PELI2: variants seen among roughly 807,000 people sequenced by gnomAD.
PELI2 encodes E3 ubiquitin-protein ligase pellino homolog 2.
In PELI2, 23 loss-of-function variants were observed where a neutral mutation model predicts 42.3. The observed-to-expected ratio is 0.54, with a 90% CI of 0.39 to 0.77. The LOEUF (loss-of-function observed/expected upper bound fraction) is 0.77. PELI2 is among the 30% of genes least tolerant of loss of function. The pLI is 0.00. For missense variants in PELI2, 463 were observed against 553.2 expected (o/e 0.84, Z 1.64); for synonymous variants, 245 against 212.2 (o/e 1.15, Z -1.34).
intron 5 of PELI2, among the ~76,000 whole-genome samples, chr14:56,291,726 C>T (rs759295347): frequency 1.1e-4 from 16 of 152,214 alleles, no homozygotes; most frequent in Non-Finnish European, 2.4e-4. Flanking sequence ...GGTGCAGACT[C>T]TGCGTTAACA....
At position 56,279,749 on chromosome 14, in the gene PELI2, C is replaced by T. The variant is rs1239077240; in HGVS notation, c.281C>T (p.Thr94Ile). 1.3e-6 allele frequency: 2 copies of T among 1,591,240 alleles called. No individual in the cohort carries two copies. Among genetic ancestry groups the T allele is most frequent in the African/African-American group, 1.3e-5 (1 of 74,392 alleles). ...SRNQTVVVEYTHDKDTDMFQV... is the reference protein window; with the variant it reads ...SRNQTVVVEYIHDKDTDMFQV... ...AATCAGACTGTGGTGGTGGAGTACA[C>T]ACATGATAAGGATACGGATATGTTT... Residue 94 changes from threonine (T) to isoleucine (I), a missense_variant, in exon 3 of 6, where the codon ACA (threonine) becomes ATA (isoleucine). Thr to Ile is a moderately conservative substitution (Grantham distance 89). This residue lies in a region of PELI2 where 343 missense variants were observed against 378.4 expected (regional missense o/e 0.91). Transcript: ENST00000267460.
At chr14:56,285,757 G>A (rs554209431) in intron 3 of PELI2, among the ~76,000 whole-genome samples, 1 of 152,254 alleles carries the variant, frequency 6.6e-6, no homozygotes, top group East Asian at 1.9e-4. Context: ...ATATGGGTGA[G>A]GAAGTGGAGG....
rs561406990 is a variant in PELI2 at position 56,191,828 on chromosome 14, A to G, written c.207+13364A>G. Among the ~76,000 whole-genome samples, 14 of 152,274 alleles carry G rather than the reference A, an allele frequency of 9.2e-5. 1 individual carries two copies. The East Asian group carries it at 2.5e-3, about 27-fold the overall frequency. On this transcript the variant is annotated intron_variant, in intron 2 of 5. Transcript: ENST00000267460. ...TTAACTACCTTTGTTTTTGTTTTTA[A>G]AGAAAAGATTTTATTTTTATTTTTG... is the stretch of plus-strand genomic sequence containing the variant.
rs1393069250 is a variant in PELI2 at position 56,287,184 on chromosome 14, G to A, written c.310-1253G>A. Among the ~76,000 whole-genome samples, 3 of 152,168 alleles carry A rather than the reference G, an allele frequency of 2.0e-5. No individual in the cohort carries two copies. In the East Asian group the frequency reaches 5.8e-4, roughly 29 times the overall value. On this transcript the variant is annotated intron_variant, in intron 3 of 5. Transcript: ENST00000267460. ...ACTGTCGCTATGAGGCTCCAGGTTT[G>A]GTGAGATGACTGGGAAATTCTAGAA...
intron 2 of PELI2, among the ~76,000 whole-genome samples, chr14:56,269,869 C>T (rs1483484506): frequency 6.6e-6 from 1 of 152,242 alleles, no homozygotes; most frequent in African/African-American, 2.4e-5. Context: ...ATGTCACCTG[C>T]CCAACTCTCT....
At chr14:56,217,402 G>T (rs72717977) in intron 2 of PELI2, among the ~76,000 whole-genome samples, 1 of 152,138 alleles carries the variant, frequency 6.6e-6, no homozygotes, top group Non-Finnish European at 1.5e-5. Flanking sequence ...GGTGTGCAGA[G>T]ACCATTAATC....
chr14:56,204,102 G>A (rs1886432914), intron 2 of PELI2, among the ~76,000 whole-genome samples: 1 of 152,182 alleles, frequency 6.6e-6, no homozygotes, highest in African/African-American at 2.4e-5. Context: ...AGGCGTTAGA[G>A]GGCTTGTTCA....
chr14:56,151,682 A>G (rs1884365562), intron 1 of PELI2, among the ~76,000 whole-genome samples: 1 of 152,208 alleles, frequency 6.6e-6, no homozygotes, highest in African/African-American at 2.4e-5. Flanking sequence ...TTTGAGATTA[A>G]CTGAGTTATT....
intron 2 of PELI2, among the ~76,000 whole-genome samples, chr14:56,204,187 T>C (rs1313528330): frequency 6.6e-6 from 1 of 152,180 alleles, no homozygotes; most frequent in Non-Finnish European, 1.5e-5. Context: ...GTTATAGAGA[T>C]GATTAAAGAT....
rs1053679188 is a variant in PELI2, at chr14:56,299,584, T to G, written c.*2418T>G. On this transcript the variant is annotated 3_prime_UTR_variant, in exon 6 of 6. Coordinates refer to ENST00000267460, the MANE Select transcript of PELI2 (RefSeq NM_021255.3). ...CTCTTCTTGGCCACTTGTAGGAAGATCCCTTTACAATTTTGACTAAGGAGA... is the reference window on the plus strand; with the variant it reads ...CTCTTCTTGGCCACTTGTAGGAAGAGCCCTTTACAATTTTGACTAAGGAGA... 6.6e-6 allele frequency: 1 copy of G among 152,128 alleles called. No homozygotes were observed. Among genetic ancestry groups the G allele is most frequent in the Admixed American group, 6.5e-5 (1 of 15,274 alleles). 9.4% of individuals were successfully genotyped at this position (152,128 alleles called of 1,614,324 possible). A position where few individuals can be genotyped will look rare whatever the true frequency, so the allele number is the denominator to read the frequency against.
intron 3 of PELI2, among the ~76,000 whole-genome samples, chr14:56,286,131 C>G (rs548688563): frequency 6.6e-6 from 1 of 152,150 alleles, no homozygotes; most frequent in African/African-American, 2.4e-5. Flanking sequence ...TTGAGAAGCT[C>G]CAGAACGTGT....
At chr14:56,145,158 C>T (rs1278228811) in intron 1 of PELI2, among the ~76,000 whole-genome samples, 1 of 152,100 alleles carries the variant, frequency 6.6e-6, no homozygotes, top group Non-Finnish European at 1.5e-5. Context: ...TCAGTCATGG[C>T]AGAAAGCAAA....
intron 2 of PELI2, among the ~76,000 whole-genome samples, chr14:56,279,284 A>C (rs1044534123): frequency 6.6e-6 from 1 of 152,152 alleles, no homozygotes; most frequent in Non-Finnish European, 1.5e-5. Context: ...AAAAATAATA[A>C]TATGTGACTT....
intron 5 of PELI2, among the ~76,000 whole-genome samples, chr14:56,295,087 T>C (rs1300166979): frequency 6.8e-6 from 1 of 147,354 alleles, no homozygotes. Flanking sequence ...CCATCGAGTC[T>C]AATTTCTTTC....
intron 2 of PELI2, among the ~76,000 whole-genome samples, chr14:56,195,474 G>C: frequency 6.6e-6 from 1 of 152,128 alleles, no homozygotes; most frequent in East Asian, 1.9e-4. Flanking sequence ...GCTTTCCACT[G>C]CATCTGTCCA....
chr14:56,143,380 G>C (rs1267381640), intron 1 of PELI2, among the ~76,000 whole-genome samples: 1 of 152,222 alleles, frequency 6.6e-6, no homozygotes, highest in Non-Finnish European at 1.5e-5. Context: ...CTTCTCTGTA[G>C]TTATTATTGT....
At chr14:56,191,107 G>T (rs779276062) in intron 2 of PELI2, among the ~76,000 whole-genome samples, 1 of 152,106 alleles carries the variant, frequency 6.6e-6, no homozygotes, top group Non-Finnish European at 1.5e-5. Flanking sequence ...TCCCTACCTT[G>T]CATTGGACTT....
chr14:56,263,753 C>CT (rs2139841477), intron 2 of PELI2, among the ~76,000 whole-genome samples: 2 of 152,166 alleles, frequency 1.3e-5, no homozygotes, highest in African/African-American at 4.8e-5. Context: ...TCTTATTGTT[C>CT]TTATTAGAGA....
chr14:56,257,945 T>C lies in PELI2; in HGVS notation c.208-21731T>C, dbSNP rs563150940. On this transcript the variant is annotated intron_variant, in intron 2 of 5. Coordinates refer to ENST00000267460, the MANE Select transcript of PELI2 (RefSeq NM_021255.3). Reference sequence around the variant, plus strand: ...TTGTAGAGCTACAGAGGATACTCTCTGAGCCCTTGGTCAGGTACTGTTTTG... The same window carrying C: ...TTGTAGAGCTACAGAGGATACTCTCCGAGCCCTTGGTCAGGTACTGTTTTG... Among the ~76,000 whole-genome samples the C allele has an allele frequency of 2.0e-5, 3 of 152,346 alleles. No individual in the cohort carries two copies. The South Asian group carries it at 6.2e-4, about 32-fold the overall frequency.
Sources: gnomAD v4.1 joint callset for allele counts (sites outside exome capture counted in the v4.1 genomes callset) on GRCh38, gnomAD v4.1.1 for gene constraint, gnomAD v4.1.1 regional missense constraint, MANE v1.5 for transcripts, NCBI Gene and HGNC (gene_info 2026-07-23, HGNC 2026-07-21) for gene names.